The following GFI1B variants were observed in gnomAD, a reference collection of about 807,000 sequenced individuals.
GFI1B encodes the protein growth factor independent 1B transcriptional repressor.
Under a neutral mutation model 35.3 loss-of-function variants are expected in GFI1B, and 20 were observed. The ratio of observed to expected loss-of-function variants is 0.57; its 90% CI spans 0.40 to 0.82. The LOEUF (loss-of-function observed/expected upper bound fraction) is 0.82, where lower values mean the gene tolerates loss of function less well. GFI1B is among the 40% of genes least tolerant of loss of function. The pLI is 0.00. For missense variants in GFI1B, 430 were observed against 446.3 expected (o/e 0.96, Z 0.33); for synonymous variants, 178 against 177.6 (o/e 1.00, Z -0.02).
intron 1 of GFI1B, among the ~76,000 whole-genome samples, chr9:132,984,935 C>T (rs1848982750): frequency 6.6e-6 from 1 of 152,178 alleles, no homozygotes; most frequent in African/African-American, 2.4e-5. Context: ...TCTAATCTCC[C>T]ACCTCCCACC....
chr9:132,962,370 C>T (rs1298272593), intron 1 of GFI1B: 1 of 224,706 alleles, frequency 4.5e-6, no homozygotes, highest in Non-Finnish European at 9.1e-6. Context: ...AACTCCTGAC[C>T]TCAGGTGATC....
chr9:132,986,836 T>C, intron 2 of GFI1B, 58 bp downstream of exon 2: 1 of 1,037,764 alleles, frequency 9.6e-7, no homozygotes, highest in South Asian at 1.3e-5. Context: ...CTGCTCTGCG[T>C]GATGAGGGTG....
chr9:132,989,009 T>C lies in GFI1B; in HGVS notation c.511-52T>C, dbSNP rs1849183838. On this transcript the variant is annotated intron_variant, in intron 4 of 6. Coordinates refer to ENST00000372122, the MANE Select transcript of GFI1B (RefSeq NM_001377304.1). The surrounding 1 kb of genome is among the most constrained non-coding windows in gnomAD (Gnocchi z 6.2). Reference sequence around the variant, plus strand: ...GGAAGAGACCATGGGACCCCAGGCCTGTCCCTGTCACCGCAGCCCCCAGTG... The same window carrying C: ...GGAAGAGACCATGGGACCCCAGGCCCGTCCCTGTCACCGCAGCCCCCAGTG... 7 of 1,584,454 alleles carry C rather than the reference T, an allele frequency of 4.4e-6. No homozygotes were observed. The highest frequency in any genetic ancestry group is 5.2e-6 in the Non-Finnish European group (6 of 1,153,414).
intron 1 of GFI1B, among the ~76,000 whole-genome samples, chr9:132,970,840 G>T (rs1848523145): frequency 6.6e-6 from 1 of 152,108 alleles, no homozygotes; most frequent in South Asian, 2.1e-4. Context: ...CACCAATGCG[G>T]AAGTCATCAA....
intron 3 of GFI1B, 36 bp downstream of exon 3, chr9:132,987,455 G>A (rs1849115822): frequency 6.2e-7 from 1 of 1,612,844 alleles, no homozygotes; most frequent in East Asian, 2.2e-5. Flanking sequence ...TCCCCAGGGA[G>A]TGCCAAGGGG....
intron 1 of GFI1B, among the ~76,000 whole-genome samples, chr9:132,983,593 C>T (rs1458445879): frequency 1.1e-4 from 16 of 152,186 alleles, no homozygotes; most frequent in Admixed American, 7.2e-4. Flanking sequence ...TGCTGGGTGG[C>T]ACAGTGGCTT....
chr9:132,963,208 G>A (rs530887252), intron 1 of GFI1B, among the ~76,000 whole-genome samples: 13 of 151,814 alleles, frequency 8.6e-5, no homozygotes, highest in Non-Finnish European at 1.5e-4. Context: ...TTGGTCAGGC[G>A]TGGTGGCTCA....
At position 132,989,980 on chromosome 9, in the gene GFI1B, C is replaced by T. The variant is rs1173095051; in HGVS notation, c.814+73C>T. 8.1e-6 allele frequency: 11 copies of T among 1,355,526 alleles called. No individual in the cohort carries two copies. The highest frequency in any genetic ancestry group is 1.2e-5 in the Non-Finnish European group (11 of 952,388). 84.0% of individuals were successfully genotyped at this position (1,355,526 alleles called of 1,614,324 possible). A position where few individuals can be genotyped will look rare whatever the true frequency, so the allele number is the denominator to read the frequency against. ...CTTTCCCTGAGAGATGCATCAGAGG[C>T]CCCCAGCGTGAGGCTGGGGGCGGGG... is the stretch of plus-strand genomic sequence containing the variant. On this transcript the variant is annotated intron_variant, in intron 6 of 6. Coordinates refer to ENST00000372122, the MANE Select transcript of GFI1B (RefSeq NM_001377304.1). This position sits in a 1 kb window ranked among gnomAD's most constrained non-coding sequence, Gnocchi z 6.2.
At chr9:132,986,174 G>A (rs1003603140) in intron 1 of GFI1B, among the ~76,000 whole-genome samples, 7 of 152,150 alleles carry the variant, frequency 4.6e-5, no homozygotes, top group East Asian at 1.9e-4. Flanking sequence ...CGAGGTGTCC[G>A]CAAAGTGGGT....
At chr9:132,951,621 C>G (rs979850900) in intron 1 of GFI1B, 1 of 152,204 alleles carries the variant, frequency 6.6e-6, no homozygotes, top group Non-Finnish European at 1.5e-5. Context: ...AATGCCGCTT[C>G]CAACCCTTAG....
At position 132,991,309 on chromosome 9, in the gene GFI1B, G is replaced by T; in HGVS notation, c.*259G>T. ...AAGTTGTTTCCAGGTGTGCTCAAGT[G>T]CCTTCCTCTAGCAGAGCACAGAAAG... On this transcript the variant is annotated 3_prime_UTR_variant, in exon 7 of 7. Transcript: ENST00000372122. 1.8e-6 allele frequency: 1 copy of T among 540,548 alleles called. No individual in the cohort carries two copies. Among genetic ancestry groups the T allele is most frequent in the Non-Finnish European group, 3.4e-6 (1 of 298,058 alleles). The allele number at this position is 540,548 out of a possible 1,614,324, so 33.5% of individuals were successfully genotyped here.
At chr9:132,984,214 GTCC>G (rs1409961188) in intron 1 of GFI1B, among the ~76,000 whole-genome samples, 1 of 152,192 alleles carries the variant, frequency 6.6e-6, no homozygotes, top group Non-Finnish European at 1.5e-5. Flanking sequence ...CACACCCCCA[GTCC>G]TCCTCCTGCT....
In GFI1B at chr9:132,958,674, A is replaced by T. The variant is rs117659582; in HGVS notation, c.-701+13005A>T. ...CAGCATGAGATTTGGGCAGGGACAC[A>T]CATCCAAACTATGTTGGAAGTTGAA... On this transcript the variant is annotated intron_variant, in intron 1 of 10. Coordinates refer to the GFI1B transcript ENST00000339463. 2.3e-3 allele frequency among the ~76,000 whole-genome samples: 354 copies of T among 152,292 alleles called. 1 individual carries two copies. Among genetic ancestry groups the T allele is most frequent in the Non-Finnish European group, 4.3e-3 (291 of 68,028 alleles).
rs779767379 is a variant in GFI1B, at chr9:132,989,494, A to G, written c.649-248A>G. Among the ~76,000 whole-genome samples the G allele has an allele frequency of 1.3e-5, 2 of 152,258 alleles. No individual in the cohort carries two copies. The highest frequency in any genetic ancestry group is 2.9e-5 in the Non-Finnish European group (2 of 68,050). Reference sequence around the variant, plus strand: ...AAGAACCTCTGAGATCAGTCAGTCCATCAGTCAATCAACGAACATTTATTG... The same window carrying G: ...AAGAACCTCTGAGATCAGTCAGTCCGTCAGTCAATCAACGAACATTTATTG... On this transcript the variant is annotated intron_variant, in intron 5 of 6. Transcript: ENST00000372122. This position sits in a 1 kb window ranked among gnomAD's most constrained non-coding sequence, Gnocchi z 6.2.
At chr9:132,974,935 A>G (rs2132614648), upstream of GFI1B, 1 of 152,228 alleles carries the variant, frequency 6.6e-6, no homozygotes, top group Non-Finnish European at 1.5e-5. Flanking sequence ...TGTGACATGA[A>G]TTAATTGTTT....
chr9:132,969,360 ACT>A (rs1848499044), intron 1 of GFI1B, among the ~76,000 whole-genome samples: 1 of 152,126 alleles, frequency 6.6e-6, no homozygotes, highest in Non-Finnish European at 1.5e-5. Context: ...ACTCTAGGTA[ACT>A]CAGGTAAATG....
Position 132,986,775 on chromosome 9 carries a change from C to G in GFI1B, c.97C>G (p.Pro33Ala). Reference protein sequence around the residue: ...DEPLWPPALTPVPRDQAPSNS... With the variant: ...DEPLWPPALTAVPRDQAPSNS... Reference sequence around the variant, plus strand: ...ACCGCTCTGGCCTCCTGCCCTTACCCCGGGTGAGTCAGAGCCCGGGCTGGC... The same window carrying G: ...ACCGCTCTGGCCTCCTGCCCTTACCGCGGGTGAGTCAGAGCCCGGGCTGGC... Residue 33 changes from proline (P) to alanine (A), a missense_variant, in exon 2 of 7, where the codon CCG becomes GCG. Pro to Ala is a conservative substitution (Grantham distance 27). Transcript: ENST00000372122. 1 of 1,604,678 alleles carries G rather than the reference C, an allele frequency of 6.2e-7. No homozygotes were observed. Among genetic ancestry groups the G allele is most frequent in the Non-Finnish European group, 8.5e-7 (1 of 1,173,838 alleles).
In GFI1B at chr9:132,991,569, C is replaced by T. The variant is rs1849295875; in HGVS notation, c.*519C>T. On this transcript the variant is annotated 3_prime_UTR_variant, in exon 7 of 7. Transcript: ENST00000372122. ...GGCTGACTCCGACTTCCGACCAGCA[C>T]TCAGCTGGCCTCTGGGGATTCTAGC... is the stretch of plus-strand genomic sequence containing the variant. 6.2e-6 allele frequency: 1 copy of T among 162,242 alleles called. No individual in the cohort carries two copies. The highest frequency in any genetic ancestry group is 2.4e-5 in the African/African-American group (1 of 41,618). 10.1% of individuals were successfully genotyped at this position (162,242 alleles called of 1,614,324 possible).
chr9:132,980,367 A>G (rs528742625), intron 1 of GFI1B, among the ~76,000 whole-genome samples: 31 of 152,344 alleles, frequency 2.0e-4, no homozygotes, highest in African/African-American at 6.0e-4. Flanking sequence ...TGGTTGAAAC[A>G]TCAGCAAACA....
Sources: gnomAD v4.1 joint callset for allele counts (sites outside exome capture counted in the v4.1 genomes callset) on GRCh38, gnomAD v4.1.1 for gene constraint, Gnocchi (gnomAD v3.1) non-coding constraint, MANE v1.5 for transcripts, NCBI Gene and HGNC (gene_info 2026-07-23, HGNC 2026-07-21) for gene names.